The following HOGA1 variants were observed in gnomAD, a reference collection of about 807,000 sequenced individuals.
The protein encoded by HOGA1 is 4-hydroxy-2-oxoglutarate aldolase 1.
Under a neutral mutation model 34.3 loss-of-function variants are expected in HOGA1, and 30 were observed. The ratio of observed to expected loss-of-function variants is 0.87; its 90% CI spans 0.65 to 1.19. The LOEUF (loss-of-function observed/expected upper bound fraction) is 1.19. HOGA1 is among the 50% of genes most tolerant of loss of function. The probability of loss-of-function intolerance (pLI) is 0.00; values close to 1 mark genes in which losing one functional copy is unlikely to be tolerated. For synonymous variants in HOGA1, 161 were observed against 174.0 expected, an observed-to-expected ratio of 0.93 and a Z score of 0.59; for missense variants, 417 against 436.5, an observed-to-expected ratio of 0.96 and a Z score of 0.40.
intron 1 of HOGA1, among the ~76,000 whole-genome samples, chr10:97,586,893 G>A (rs550233108): frequency 9.2e-5 from 14 of 152,310 alleles, no homozygotes; most frequent in Admixed American, 2.6e-4. Flanking sequence ...GAGAGCCAGC[G>A]GGGTGTGGTA....
rs1223478405 is a variant in HOGA1, at chr10:97,611,748, G to A, written c.*89G>A. 1.3e-6 allele frequency: 2 copies of A among 1,490,732 alleles called. No individual in the cohort carries two copies. Among genetic ancestry groups the A allele is most frequent in the East Asian group, 2.4e-5 (1 of 41,242 alleles). The allele number at this position is 1,490,732 out of a possible 1,614,324, so 92.3% of individuals were successfully genotyped here. ...GAAGCGGAGAGCACAGGGGGATGAG[G>A]GTGGCAGGCAGCGGGGAGCCGATAG... On this transcript the variant is annotated 3_prime_UTR_variant, in exon 7 of 7. Transcript: ENST00000370646.
chr10:97,612,315 G>C lies in HOGA1; in HGVS notation c.*656G>C, dbSNP rs899827079. On this transcript the variant is annotated 3_prime_UTR_variant, in exon 7 of 7. Transcript: ENST00000370646. Reference sequence around the variant, plus strand: ...GCACCCGGCCGGGAATTTATCAAAGGGGGGACTACTTAGATTTGGGGCTTC... The same window carrying C: ...GCACCCGGCCGGGAATTTATCAAAGCGGGGACTACTTAGATTTGGGGCTTC... 2.6e-5 allele frequency: 4 copies of C among 152,668 alleles called. No homozygotes were observed. The highest frequency in any genetic ancestry group is 1.9e-4 in the East Asian group (1 of 5,190). The allele number at this position is 152,668 out of a possible 1,614,324, so 9.5% of individuals were successfully genotyped here.
intron 1 of HOGA1, chr10:97,590,737 G>A: frequency 1.5e-6 from 1 of 669,524 alleles, no homozygotes; most frequent in East Asian, 2.7e-5. Context: ...CGGGGATTAT[G>A]GGCTCTTTAA....
At chr10:97,589,942 G>GGAAACTTGTCC in intron 1 of HOGA1, 1 of 1,613,952 alleles carries the variant, frequency 6.2e-7, no homozygotes, top group South Asian at 1.1e-5. Context: ...AAACCTCTGA[G>GGAAACTTGTCC]TGTCCATCAG....
At position 97,598,820 on chromosome 10, in the gene HOGA1, G is replaced by T. The variant is rs2041091020; in HGVS notation, c.257G>T (p.Ser86Ile). 6.2e-7 allele frequency: 1 copy of T among 1,614,188 alleles called. No individual in the cohort carries two copies. The highest frequency in any genetic ancestry group is 8.5e-7 in the Non-Finnish European group (1 of 1,180,042). Reference protein sequence around the residue: ...GSNGEFPFLTSSERLEVVSRV... With the variant: ...GSNGEFPFLTISERLEVVSRV... ...AATGGCGAGTTTCCTTTCCTGACCAGCAGTGAGCGCCTCGAGGTGGTGAGC... is the reference window on the plus strand; with the variant it reads ...AATGGCGAGTTTCCTTTCCTGACCATCAGTGAGCGCCTCGAGGTGGTGAGC... Residue 86 changes from serine (S) to isoleucine (I), a missense_variant, in exon 2 of 7, where the codon AGC becomes ATC. Coordinates refer to ENST00000370646, the MANE Select transcript of HOGA1 (RefSeq NM_138413.4).
intron 6 of HOGA1, chr10:97,602,570 C>A (rs980667867): frequency 1.0e-6 from 1 of 985,186 alleles, no homozygotes; most frequent in East Asian, 1.1e-4. Context: ...AAAATATGTG[C>A]CCCTGTATTC....
At chr10:97,606,617 A>G (rs2041160193) in intron 6 of HOGA1, among the ~76,000 whole-genome samples, 1 of 152,158 alleles carries the variant, frequency 6.6e-6, no homozygotes, top group African/African-American at 2.4e-5. Context: ...GTATATGTCT[A>G]TCTCTCTGCA....
At chr10:97,586,912 C>T (rs2040975517) in intron 1 of HOGA1, among the ~76,000 whole-genome samples, 1 of 152,142 alleles carries the variant, frequency 6.6e-6, no homozygotes, top group Admixed American at 6.6e-5. Flanking sequence ...TAGGAAGAGC[C>T]CAGCATCTTG....
intron 1 of HOGA1, 108 bp downstream of exon 1, chr10:97,585,022 T>A: frequency 5.7e-6 from 5 of 871,364 alleles, no homozygotes. Context: ...GATAGTCTGG[T>A]ACTCAGTGGG....
At chr10:97,601,788 T>A (rs1354851716) in intron 5 of HOGA1, 69 bp from the exon 6 acceptor site, 1 of 1,594,804 alleles carries the variant, frequency 6.3e-7, no homozygotes, top group Non-Finnish European at 8.6e-7. Flanking sequence ...GAAGAGGTGC[T>A]GGGACCAGGG....
chr10:97,610,452 A>C (rs1354209408), intron 6 of HOGA1, among the ~76,000 whole-genome samples: 3 of 152,222 alleles, frequency 2.0e-5, no homozygotes, highest in Admixed American at 1.3e-4. Flanking sequence ...TGAGTGGCAC[A>C]GTGAGACCCT....
At chr10:97,600,425 C>A (rs2041107379) in intron 5 of HOGA1, 1 of 548,652 alleles carries the variant, frequency 1.8e-6, no homozygotes, top group Non-Finnish European at 3.3e-6. Flanking sequence ...TGTTCTGAGT[C>A]CTGAGCTCCA....
intron 6 of HOGA1, among the ~76,000 whole-genome samples, chr10:97,607,531 G>A (rs569587495): frequency 6.6e-6 from 1 of 152,332 alleles, no homozygotes; most frequent in Non-Finnish European, 1.5e-5. Context: ...CGTGCTTGCT[G>A]ACTTCTTCAG....
intron 1 of HOGA1, chr10:97,590,445 T>C (rs910224589): frequency 1.2e-6 from 2 of 1,613,792 alleles, no homozygotes; most frequent in African/African-American, 2.7e-5. Flanking sequence ...AAGAATTTCC[T>C]CACCCAGCGG....
At position 97,599,701 on chromosome 10, in the gene HOGA1, C is replaced by A. The variant is rs1412842633; in HGVS notation, c.490C>A (p.Pro164Thr). 11 of 1,614,038 alleles carry A rather than the reference C, an allele frequency of 6.8e-6. No homozygotes were observed. Among genetic ancestry groups the A allele is most frequent in the Non-Finnish European group, 8.5e-6 (10 of 1,180,032 alleles). Reference protein sequence around the residue: ...YTKVADLSPIPVVLYSVPANT... With the variant: ...YTKVADLSPITVVLYSVPANT... ...CCAGGTTGCTGATCTCTCTCCAATCCCTGTGGTGCTGTACAGTGTCCCAGC... is the reference window on the plus strand; with the variant it reads ...CCAGGTTGCTGATCTCTCTCCAATCACTGTGGTGCTGTACAGTGTCCCAGC... Residue 164 changes from proline to threonine, a missense_variant, in exon 4 of 7, where the codon CCT (proline) becomes ACT (threonine). Coordinates refer to ENST00000370646, the MANE Select transcript of HOGA1 (RefSeq NM_138413.4).
intron 6 of HOGA1, among the ~76,000 whole-genome samples, chr10:97,606,687 C>T (rs1289465847): frequency 6.6e-6 from 1 of 152,170 alleles, no homozygotes; most frequent in Non-Finnish European, 1.5e-5. Flanking sequence ...TGATTCCTCC[C>T]ACTTTGTTCT....
chr10:97,597,517 G>C (rs1372673626), intron 1 of HOGA1, among the ~76,000 whole-genome samples: 1 of 152,074 alleles, frequency 6.6e-6, no homozygotes, highest in African/African-American at 2.4e-5. Context: ...CCAAGTAAGT[G>C]ATTGATAAAA....
intron 6 of HOGA1, 121 bp from the exon 7 acceptor site, chr10:97,611,389 C>T (rs537308720): frequency 3.6e-6 from 4 of 1,115,314 alleles, no homozygotes; most frequent in African/African-American, 3.0e-5. Flanking sequence ...ATAGAGTTGG[C>T]AGTTACTTTC....
At chr10:97,590,120 A>G (rs1452629491) in intron 1 of HOGA1, 1 of 1,614,152 alleles carries the variant, frequency 6.2e-7, no homozygotes, top group South Asian at 1.1e-5. Context: ...CACGGTTCAC[A>G]TAGAGACCTT....
Sources: gnomAD v4.1 joint callset for allele counts (sites outside exome capture counted in the v4.1 genomes callset) on GRCh38, gnomAD v4.1.1 for gene constraint, MANE v1.5 for transcripts, NCBI Gene and HGNC (gene_info 2026-07-23, HGNC 2026-07-21) for gene names.